RELN: variants seen among roughly 807,000 people sequenced by gnomAD.
The protein encoded by RELN is reelin.
RELN carries 108 observed loss-of-function variants against 427.6 expected under a neutral mutation model. That is an observed-to-expected ratio of 0.25 (90% CI 0.22 to 0.30). The LOEUF (loss-of-function observed/expected upper bound fraction) is 0.30, where lower values mean the gene tolerates loss of function less well. Ranked by LOEUF, RELN falls within the 10% of genes least tolerant of loss-of-function variation. The probability of loss-of-function intolerance (pLI) is 1.00; values close to 1 mark genes in which losing one functional copy is unlikely to be tolerated. For synonymous variants in RELN, 1,524 were observed against 1,513.4 expected (o/e 1.01, Z -0.16); for missense variants, 3,715 against 4,302.8 (o/e 0.86, Z 3.82).
chr7:103,644,663 T>A (rs1003653322), intron 16 of RELN, among the ~76,000 whole-genome samples: 1 of 151,566 alleles, frequency 6.6e-6, no homozygotes, highest in Non-Finnish European at 1.5e-5. Context: ...GAGTCAAAGG[T>A]ATTACCGAGG....
At chr7:103,759,136 T>A (rs772534748) in intron 4 of RELN, among the ~76,000 whole-genome samples, 2 of 152,148 alleles carry the variant, frequency 1.3e-5, no homozygotes, top group Non-Finnish European at 1.5e-5. Context: ...ACTTCTTTTT[T>A]AAAAAATTCA....
At chr7:103,705,347 C>T (rs1562964433) in intron 8 of RELN, among the ~76,000 whole-genome samples, 2 of 152,006 alleles carry the variant, frequency 1.3e-5, no homozygotes, top group South Asian at 4.1e-4. Flanking sequence ...CAAATACAAA[C>T]AAACAAACAA....
In RELN at chr7:103,988,252, T is replaced by C. The variant is rs963846877; in HGVS notation, c.226+879A>G. On this transcript the variant is annotated intron_variant, in intron 1 of 64. Transcript: ENST00000428762. The surrounding 1 kb of genome is among the most constrained non-coding windows in gnomAD (Gnocchi z 4.9). Reference sequence around the variant, plus strand: ...ATTTTTTATTTTTCCACATACTCGATGTACTAGCTTAAAATACATGTACTA... The same window carrying C: ...ATTTTTTATTTTTCCACATACTCGACGTACTAGCTTAAAATACATGTACTA... 6.6e-6 allele frequency among the ~76,000 whole-genome samples: 1 copy of C among 152,226 alleles called. No individual in the cohort carries two copies. The highest frequency in any genetic ancestry group is 1.5e-5 in the Non-Finnish European group (1 of 68,030).
intron 3 of RELN, among the ~76,000 whole-genome samples, chr7:103,779,757 C>A (rs1217561244): frequency 6.6e-6 from 1 of 152,152 alleles, no homozygotes; most frequent in East Asian, 1.9e-4. Context: ...GAGATGGAGT[C>A]TTGCTCTGTC....
In RELN at chr7:103,698,085, G is replaced by C. The variant is rs777543027; in HGVS notation, c.911C>G (p.Ser304Cys). The C allele has an allele frequency of 3.7e-6, 6 of 1,613,704 alleles. No homozygotes were observed. The Admixed American group carries it at 8.3e-5, about 22-fold the overall frequency. Residue 304 changes from serine to cysteine, a missense_variant, in exon 10 of 65, where the codon TCC (serine) becomes TGC (cysteine). By Grantham distance (112) the Ser-to-Cys change is moderately radical. Transcript: ENST00000428762. ...GATATGGATGATTGTGCTGACATTG[G>C]AAGGGGCTCTGGAACATACAGAGAG... ...WIQLEKIRAP[S>C]NVSTIIHILY... is the part of the protein sequence containing the mutation.
chr7:103,685,334 A>C (rs1337471575), intron 10 of RELN, among the ~76,000 whole-genome samples: 2 of 152,180 alleles, frequency 1.3e-5, no homozygotes, highest in Non-Finnish European at 2.9e-5. Context: ...AAACCAATTA[A>C]ATGTGTAACT....
intron 4 of RELN, among the ~76,000 whole-genome samples, chr7:103,761,063 A>T (rs1361138333): frequency 6.6e-6 from 1 of 152,208 alleles, no homozygotes; most frequent in Non-Finnish European, 1.5e-5. Context: ...AAGACAGCTA[A>T]ATTATACACA....
intron 11 of RELN, among the ~76,000 whole-genome samples, chr7:103,677,222 T>C (rs749323015): frequency 3.2e-5 from 4 of 125,334 alleles, no homozygotes; most frequent in Non-Finnish European, 6.5e-5. Flanking sequence ...TAAGAACACA[T>C]GGACATAGGG....
At chr7:103,708,136 C>T (rs1275480506) in intron 8 of RELN, among the ~76,000 whole-genome samples, 8 of 152,020 alleles carry the variant, frequency 5.3e-5, no homozygotes, top group Non-Finnish European at 1.2e-4. Flanking sequence ...TAGTACTATC[C>T]CTGGTATCAT....
intron 2 of RELN, among the ~76,000 whole-genome samples, chr7:103,908,249 C>T (rs1007518564): frequency 6.6e-6 from 1 of 152,150 alleles, no homozygotes; most frequent in African/African-American, 2.4e-5. Flanking sequence ...CTTCTCAAAA[C>T]TCTGTCACTG....
At chr7:103,750,262 G>T (rs970600878) in intron 5 of RELN, among the ~76,000 whole-genome samples, 3 of 152,196 alleles carry the variant, frequency 2.0e-5, no homozygotes, top group Admixed American at 6.5e-5. Context: ...ACAGGCGTGA[G>T]CCACTGTGCC....
At chr7:103,848,437 CAA>C (rs1793733803) in intron 2 of RELN, among the ~76,000 whole-genome samples, 1 of 152,116 alleles carries the variant, frequency 6.6e-6, no homozygotes, top group Non-Finnish European at 1.5e-5. Flanking sequence ...TGTTGCCCAG[CAA>C]AGAGTCATGT....
chr7:103,472,983 A>C, intron 64 of RELN, 75 bp from the exon 65 acceptor site: 1 of 1,180,868 alleles, frequency 8.5e-7, no homozygotes, highest in South Asian at 1.2e-5. Context: ...TGAACGTGCA[A>C]TCTATTCTAG....
At chr7:103,501,237 CTGAAT>C (rs1263834269) in intron 52 of RELN, among the ~76,000 whole-genome samples, 1 of 152,148 alleles carries the variant, frequency 6.6e-6, no homozygotes, top group African/African-American at 2.4e-5. Context: ...CAGGTTTCTT[CTGAAT>C]TGGAGTTCCG....
chr7:103,690,680 C>G (rs995268035), intron 10 of RELN, among the ~76,000 whole-genome samples: 5 of 152,094 alleles, frequency 3.3e-5, no homozygotes, highest in African/African-American at 1.2e-4. Context: ...AGGCACCTTC[C>G]TTTGCTGAGT....
intron 3 of RELN, among the ~76,000 whole-genome samples, chr7:103,797,878 C>T (rs1792347738): frequency 6.6e-6 from 1 of 152,194 alleles, no homozygotes; most frequent in South Asian, 2.1e-4. Context: ...TGGCCCTGTG[C>T]AGCTATGTGT....
At chr7:103,839,833 A>G (rs778258825) in intron 2 of RELN, among the ~76,000 whole-genome samples, 11 of 152,122 alleles carry the variant, frequency 7.2e-5, no homozygotes, top group Non-Finnish European at 1.3e-4. Context: ...GAGAAAATAG[A>G]GTGATATGGT....
At chr7:103,473,374 A>G (rs1337815253) in intron 64 of RELN, among the ~76,000 whole-genome samples, 2 of 152,182 alleles carry the variant, frequency 1.3e-5, no homozygotes, top group Non-Finnish European at 2.9e-5. Flanking sequence ...AAACAAAGAA[A>G]CAGACTGTTA....
chr7:103,917,381 G>A (rs187265738), intron 1 of RELN, among the ~76,000 whole-genome samples, 196 bp from the exon 2 acceptor site: 2 of 152,108 alleles, frequency 1.3e-5, no homozygotes, highest in East Asian at 3.9e-4. Context: ...TACAATTGCT[G>A]GTCCTAAATT....
Sources: allele counts gnomAD v4.1 joint callset (sites outside exome capture counted in the v4.1 genomes callset), GRCh38; gene constraint gnomAD v4.1.1; non-coding constraint Gnocchi (gnomAD v3.1); transcripts MANE v1.5; gene names NCBI Gene and HGNC (gene_info 2026-07-23, HGNC 2026-07-21).